The following CDCP1 variants were observed in gnomAD, a reference collection of about 807,000 sequenced individuals.
CDCP1 encodes the protein CUB domain-containing protein 1.
Under a neutral mutation model 60.2 loss-of-function variants are expected in CDCP1, and 29 were observed. The ratio of observed to expected loss-of-function variants is 0.48; its 90% confidence interval spans 0.36 to 0.66. The LOEUF is 0.66. CDCP1 is among the 30% of genes least tolerant of loss of function. CDCP1 has a pLI of 0.00. For missense variants in CDCP1, 876 were observed against 1,074.3 expected (o/e 0.82, Z 2.58); for synonymous variants, 387 against 431.1 (o/e 0.90, Z 1.27).
At chr3:45,134,239 C>T (rs539915310) in intron 1 of CDCP1, among the ~76,000 whole-genome samples, 56 of 152,294 alleles carry the variant, frequency 3.7e-4, no homozygotes, top group African/African-American at 1.3e-3. Flanking sequence ...ATTCTCCTGC[C>T]TCAGCCTCCT....
chr3:45,120,399 C>G (rs1048708678), intron 1 of CDCP1, among the ~76,000 whole-genome samples: 1 of 152,198 alleles, frequency 6.6e-6, no homozygotes, highest in Non-Finnish European at 1.5e-5. Flanking sequence ...CTTTTGACCT[C>G]ACTTAGAATG....
Position 45,085,719 on chromosome 3 carries a change from A to T in CDCP1, c.2430T>A (p.His810Gln), listed in dbSNP as rs1307362420. 1 of 1,614,036 alleles carries T rather than the reference A, an allele frequency of 6.2e-7. No homozygotes were observed. The highest frequency in any genetic ancestry group is 1.7e-5 in the Admixed American group (1 of 60,000). Reference sequence around the variant, plus strand: ...TGCTGCTTACATCCCCATTGTTGGGATGGGAGAAGGTGTACGGTTCACTCT... The same window carrying T: ...TGCTGCTTACATCCCCATTGTTGGGTTGGGAGAAGGTGTACGGTTCACTCT... ...ESESEPYTFSHPNNGDVSSKD... is the reference protein window; with the variant it reads ...ESESEPYTFSQPNNGDVSSKD... The change falls in exon 9 of 9, where the codon CAT becomes CAA. Residue 810 changes from histidine to glutamine, a missense_variant. Physicochemically the swap from His to Gln is conservative, Grantham distance 24. Around this residue, in one of 2 missense-constraint regions of CDCP1, gnomAD observed 726 missense variants for 935.7 expected, o/e 0.78. Coordinates refer to ENST00000296129, the MANE Select transcript of CDCP1 (RefSeq NM_022842.5). The surrounding 1 kb of genome is among the most constrained non-coding windows in gnomAD (Gnocchi z 4.2).
intron 4 of CDCP1, among the ~76,000 whole-genome samples, chr3:45,096,481 T>A (rs1698400569): frequency 6.6e-6 from 1 of 151,670 alleles, no homozygotes; most frequent in Admixed American, 6.6e-5. Flanking sequence ...AAAAATTAGC[T>A]GGGTGTGGTG....
intron 1 of CDCP1, among the ~76,000 whole-genome samples, chr3:45,140,799 A>G (rs138253361): frequency 2.4e-4 from 36 of 152,360 alleles, no homozygotes; most frequent in African/African-American, 7.5e-4. Context: ...TTTTTGGCCA[A>G]GGTCTATTTC....
intron 4 of CDCP1, among the ~76,000 whole-genome samples, chr3:45,096,123 G>A (rs983881190): frequency 1.1e-4 from 17 of 152,242 alleles, no homozygotes; most frequent in African/African-American, 4.1e-4. Context: ...CACACGGCCA[G>A]TGGGAGCCTG....
Position 45,146,339 on chromosome 3 carries a change from G to A in CDCP1, c.-52C>T. On this transcript the variant is annotated 5_prime_UTR_variant, in exon 1 of 9. Coordinates refer to ENST00000296129, the MANE Select transcript of CDCP1 (RefSeq NM_022842.5). ...GGGAAAACGACGGTGGGGAGCGGCG[G>A]CCCCAGGCGCCCAAGCCCGGCGCAG... is the stretch of plus-strand genomic sequence containing the variant. 2.0e-6 allele frequency: 3 copies of A among 1,466,836 alleles called. No homozygotes were observed. Among genetic ancestry groups the A allele is most frequent in the African/African-American group, 1.5e-5 (1 of 67,788 alleles). 90.9% of individuals were successfully genotyped at this position (1,466,836 alleles called of 1,614,324 possible).
chr3:45,126,138 C>CTTTCTTTCT (rs1559398833), intron 1 of CDCP1, among the ~76,000 whole-genome samples: 2 of 138,960 alleles, frequency 1.4e-5, no homozygotes, highest in African/African-American at 2.9e-5. Flanking sequence ...TTCTTTCTTT[C>CTTTCTTTCT]TTTCTTTCTT....
chr3:45,098,918 C>T (rs944315033), intron 4 of CDCP1, among the ~76,000 whole-genome samples: 1 of 152,090 alleles, frequency 6.6e-6, no homozygotes, highest in African/African-American at 2.4e-5. Flanking sequence ...GTATAAATCT[C>T]CTTTCAATAA....
chr3:45,126,119 T>TTCC, intron 1 of CDCP1, among the ~76,000 whole-genome samples: 1 of 33,464 alleles, frequency 3.0e-5, no homozygotes, highest in Non-Finnish European at 6.0e-5. Context: ...TCTTTCTTTC[T>TTCC]TTCTTTCTTT....
chr3:45,090,102 G>A (rs56764602), intron 7 of CDCP1, among the ~76,000 whole-genome samples: 1,563 of 152,350 alleles, frequency 0.01, 22 homozygotes, highest in African/African-American at 0.036. Flanking sequence ...TATAATCTAT[G>A]AGTGTGGAGA....
At chr3:45,141,195 C>A (rs752418054) in intron 1 of CDCP1, among the ~76,000 whole-genome samples, 1 of 144,456 alleles carries the variant, frequency 6.9e-6, no homozygotes, top group East Asian at 2.2e-4. Flanking sequence ...AGTAAGACTC[C>A]GTCTCAAAAA....
chr3:45,135,900 G>T (rs780528741), intron 1 of CDCP1, among the ~76,000 whole-genome samples: 1 of 152,066 alleles, frequency 6.6e-6, no homozygotes, highest in African/African-American at 2.4e-5. Context: ...TGAATTAGAG[G>T]GTGCAAGCTC....
chr3:45,132,234 C>CAA (rs10716215), intron 1 of CDCP1, among the ~76,000 whole-genome samples: 18 of 126,416 alleles, frequency 1.4e-4, no homozygotes, highest in African/African-American at 4.7e-4. Context: ...GACTCCGTCT[C>CAA]AAAAAAAAAA....
In CDCP1 at chr3:45,108,770, TGC is replaced by T. The variant is rs1219605193; in HGVS notation, c.1024+1701_1024+1702del. Among the ~76,000 whole-genome samples the T allele has an allele frequency of 2.6e-3, 209 of 79,850 alleles. 6 individuals are homozygous for T. The highest frequency in any genetic ancestry group is 0.014 in the Middle Eastern group (2 of 148). The allele number at this position is 79,850 out of a possible 152,430, so 52.4% of individuals were successfully genotyped here. ...ATATATATGCATGTATATATATATA[TGC>T]ATGTATACATATATATGCATGTATA... On this transcript the variant is annotated intron_variant, in intron 4 of 8. Coordinates refer to ENST00000296129, the MANE Select transcript of CDCP1 (RefSeq NM_022842.5).
chr3:45,094,656 TCA>T (rs1428962595), intron 5 of CDCP1, among the ~76,000 whole-genome samples: 1 of 136,954 alleles, frequency 7.3e-6, no homozygotes, highest in African/African-American at 2.7e-5. Flanking sequence ...ACCTCAGGAA[TCA>T]CAGTCTTGTG....
intron 4 of CDCP1, among the ~76,000 whole-genome samples, chr3:45,105,089 C>A (rs1296507623): frequency 6.6e-6 from 1 of 152,088 alleles, no homozygotes; most frequent in East Asian, 1.9e-4. Flanking sequence ...GATGTTTAAC[C>A]CCCACCTGCC....
chr3:45,136,226 G>A (rs1485517801), intron 1 of CDCP1, among the ~76,000 whole-genome samples: 1 of 152,208 alleles, frequency 6.6e-6, no homozygotes, highest in African/African-American at 2.4e-5. Flanking sequence ...TAAGAAGCCT[G>A]GCTCCAAAGC....
At chr3:45,106,086 CAGG>C (rs1186430815) in intron 4 of CDCP1, among the ~76,000 whole-genome samples, 1 of 152,226 alleles carries the variant, frequency 6.6e-6, no homozygotes, top group Non-Finnish European at 1.5e-5. Context: ...ATACTCCCTA[CAGG>C]AGTTCTCTGG....
chr3:45,142,925 G>A (rs1699318322), intron 1 of CDCP1, among the ~76,000 whole-genome samples: 1 of 152,204 alleles, frequency 6.6e-6, no homozygotes, highest in Admixed American at 6.5e-5. Context: ...TTCAGAACAT[G>A]GGCGCGGTGG....
Sources: allele counts gnomAD v4.1 joint callset (sites outside exome capture counted in the v4.1 genomes callset), GRCh38; gene constraint gnomAD v4.1.1; regional missense constraint gnomAD v4.1.1; non-coding constraint Gnocchi (gnomAD v3.1); transcripts MANE v1.5; gene names NCBI Gene and HGNC (gene_info 2026-07-23, HGNC 2026-07-21).